Variants in SECISBP2 observed in about 807,000 individuals in gnomAD.
SECISBP2 encodes the protein SECIS binding protein 2, also known as selenocysteine insertion sequence-binding protein 2.
SECISBP2 carries 96 observed loss-of-function variants against 98.2 expected under a neutral mutation model. That is an observed-to-expected ratio of 0.98 (90% CI 0.83 to 1.16). The LOEUF is 1.16. Ranked by LOEUF, SECISBP2 falls within the 50% of genes most tolerant of loss-of-function variation. The probability of loss-of-function intolerance (pLI) is 0.00; values close to 1 mark genes in which losing one functional copy is unlikely to be tolerated. For synonymous variants in SECISBP2, 407 were observed against 370.2 expected (o/e 1.10, Z -1.14); for missense variants, 1,046 against 1,022.9 (o/e 1.02, Z -0.31).
chr9:89,344,467 T>C (rs757136323), intron 10 of SECISBP2, among the ~76,000 whole-genome samples: 8 of 152,208 alleles, frequency 5.3e-5, no homozygotes, highest in Non-Finnish European at 7.3e-5. Context: ...CTTTAATCCA[T>C]CTTGAGTTGA....
chr9:89,355,224 A>G, intron 14 of SECISBP2: 1 of 985,450 alleles, frequency 1.0e-6, no homozygotes, highest in Non-Finnish European at 1.2e-6. Context: ...TACTATGCTA[A>G]TTGTAAACAG....
In SECISBP2 at chr9:89,328,783, T is replaced by C. The variant is rs752638506; in HGVS notation, c.698T>C (p.Met233Thr). 1.2e-6 allele frequency: 2 copies of C among 1,614,196 alleles called. No homozygotes were observed. The highest frequency in any genetic ancestry group is 1.7e-6 in the Non-Finnish European group (2 of 1,179,998). ...GAACTGCAAGGTGCAGAGAACAATA[T>C]GTCAGAGATACAGAAGCAACCCAAG... ...FPELQGAENN[M>T]SEIQKQPKWG... is the part of the protein sequence containing the mutation. The change falls in exon 5 of 17, where the codon ATG becomes ACG. Residue 233 changes from methionine (M) to threonine (T), a missense_variant. Transcript: ENST00000375807.
intron 12 of SECISBP2, 94 bp from the exon 13 acceptor site, chr9:89,349,682 G>A: frequency 2.3e-6 from 3 of 1,318,090 alleles, no homozygotes; most frequent in Non-Finnish European, 3.3e-6. Flanking sequence ...GTGTGCAGGG[G>A]TCTGGTTGCA....
chr9:89,320,482 G>A (rs1208292326), intron 2 of SECISBP2, among the ~76,000 whole-genome samples: 4 of 151,716 alleles, frequency 2.6e-5, no homozygotes, highest in Admixed American at 6.6e-5. Context: ...CCAAATAAAC[G>A]TACTCCTCCT....
chr9:89,318,565 G>A lies in SECISBP2; in HGVS notation c.-12G>A. 6.6e-7 allele frequency: 1 copy of A among 1,504,510 alleles called. No homozygotes were observed. The highest frequency in any genetic ancestry group is 8.8e-7 in the Non-Finnish European group (1 of 1,132,484). 93.2% of individuals were successfully genotyped at this position (1,504,510 alleles called of 1,614,324 possible). A position where few individuals can be genotyped will look rare whatever the true frequency, so the allele number is the denominator to read the frequency against. On this transcript the variant is annotated 5_prime_UTR_variant, in exon 1 of 17. Coordinates refer to ENST00000375807, the MANE Select transcript of SECISBP2 (RefSeq NM_024077.5). The stretch of plus-strand genomic sequence containing the variant: ...TGGCCTCCGTGACGCGGCCTCCTCC[G>A]CGCCTCGCGGCATGGCGTCGGAGGG...
intron 11 of SECISBP2, among the ~76,000 whole-genome samples, 186 bp downstream of exon 11, chr9:89,347,234 A>G (rs1830549800): frequency 6.6e-6 from 1 of 152,214 alleles, no homozygotes; most frequent in South Asian, 2.1e-4. Flanking sequence ...CGTCAGGGAC[A>G]TGTGATGTGG....
chr9:89,343,333 T>C (rs1829939197), intron 10 of SECISBP2, among the ~76,000 whole-genome samples: 1 of 152,228 alleles, frequency 6.6e-6, no homozygotes, highest in South Asian at 2.1e-4. Flanking sequence ...TTTTTTTAAA[T>C]CTGTGGATCT....
chr9:89,357,571 T>G lies in SECISBP2; in HGVS notation c.2268+6T>G. The G allele has an allele frequency of 1.9e-6, 3 of 1,612,600 alleles. No homozygotes were observed. The highest frequency in any genetic ancestry group is 2.5e-6 in the Non-Finnish European group (3 of 1,179,778). On this transcript the variant is annotated splice_donor_region_variant and intron_variant, in intron 15 of 16. Transcript: ENST00000375807. ...TCAGCTATGATGGGGCCCAGGTGAG[T>G]GCACAGGGCACAGGCCTCTTCAGTC...
intron 14 of SECISBP2, among the ~76,000 whole-genome samples, chr9:89,355,956 A>G (rs568803685): frequency 4.6e-5 from 7 of 152,212 alleles, no homozygotes; most frequent in Non-Finnish European, 1.0e-4. Flanking sequence ...ATACCTGACC[A>G]TGTTAGCCTG....
intron 2 of SECISBP2, chr9:89,323,373 T>G (rs985549791): frequency 6.6e-6 from 1 of 151,626 alleles, no homozygotes; most frequent in African/African-American, 2.4e-5. Flanking sequence ...ATAAGGAGGG[T>G]GTAGAGGAGA....
At chr9:89,354,451 G>T (rs562907023) in intron 14 of SECISBP2, among the ~76,000 whole-genome samples, 74 of 152,302 alleles carry the variant, frequency 4.9e-4, no homozygotes, top group Admixed American at 2.3e-3. Flanking sequence ...CCAGAGACAA[G>T]TTAAGAGCCC....
At chr9:89,329,278 AT>A (rs1242624253) in intron 5 of SECISBP2, 1,051 of 201,114 alleles carry the variant, frequency 5.2e-3, no homozygotes, top group South Asian at 0.013. Flanking sequence ...ACGCTGGCTA[AT>A]TTTTTTTTTG....
In SECISBP2 at chr9:89,318,558, C is replaced by G. The variant is rs1285935655; in HGVS notation, c.-19C>G. On this transcript the variant is annotated 5_prime_UTR_variant, in exon 1 of 17. Coordinates refer to ENST00000375807, the MANE Select transcript of SECISBP2 (RefSeq NM_024077.5). ...CCGCTGCTGGCCTCCGTGACGCGGC[C>G]TCCTCCGCGCCTCGCGGCATGGCGT... 2.7e-6 allele frequency: 4 copies of G among 1,506,472 alleles called. No homozygotes were observed. Among genetic ancestry groups the G allele is most frequent in the Middle Eastern group, 2.0e-4 (1 of 5,076 alleles). 93.3% of individuals were successfully genotyped at this position (1,506,472 alleles called of 1,614,324 possible). A position where few individuals can be genotyped will look rare whatever the true frequency, so the allele number is the denominator to read the frequency against.
intron 14 of SECISBP2, 145 bp downstream of exon 14, chr9:89,350,997 G>A: frequency 1.4e-6 from 1 of 733,702 alleles, no homozygotes; most frequent in South Asian, 1.5e-5. Flanking sequence ...TTGAGTAACT[G>A]TTTCCCAACT....
chr9:89,325,768 G>C, intron 3 of SECISBP2, 92 bp downstream of exon 3: 2 of 1,587,662 alleles, frequency 1.3e-6, no homozygotes, highest in Admixed American at 1.7e-5. Flanking sequence ...TCATATTTAA[G>C]TATCATGTAT....
intron 4 of SECISBP2, among the ~76,000 whole-genome samples, chr9:89,326,797 A>T (rs575529701): frequency 6.6e-6 from 1 of 152,344 alleles, no homozygotes; most frequent in South Asian, 2.1e-4. Context: ...TTCCTAGGTT[A>T]TAAACCTTTA....
At chr9:89,336,081 C>CTCTTTTTT (rs1828629469) in intron 7 of SECISBP2, among the ~76,000 whole-genome samples, 1 of 33,062 alleles carries the variant, frequency 3.0e-5, no homozygotes, top group Non-Finnish European at 5.7e-5. Flanking sequence ...ATTTTAAGTG[C>CTCTTTTTT]TTTTTTTTTT....
At chr9:89,362,236 C>A, downstream of SECISBP2, 1 of 1,194,694 alleles carries the variant, frequency 8.4e-7, no homozygotes, top group Non-Finnish European at 1.2e-6. Context: ...TCTCCACTGT[C>A]CCGCCTCTGC....
At chr9:89,327,031 G>A (rs537569550) in intron 4 of SECISBP2, among the ~76,000 whole-genome samples, 64 of 152,088 alleles carry the variant, frequency 4.2e-4, no homozygotes, top group Admixed American at 1.0e-3. Flanking sequence ...GCGTGGTGGC[G>A]GGCACCTGTA....
Sources: gnomAD v4.1 joint callset for allele counts (sites outside exome capture counted in the v4.1 genomes callset) on GRCh38, gnomAD v4.1.1 for gene constraint, MANE v1.5 for transcripts, NCBI Gene and HGNC (gene_info 2026-07-23, HGNC 2026-07-21) for gene names.